SLC17A1: variants seen among roughly 807,000 people sequenced by gnomAD.
SLC17A1 encodes the protein sodium-dependent phosphate transport protein 1.
SLC17A1 carries 51 observed loss-of-function variants against 53.5 expected under a neutral mutation model. That is an observed-to-expected ratio of 0.95 (90% CI 0.76 to 1.20). The LOEUF is 1.20. Ranked by LOEUF, SLC17A1 falls within the 50% of genes most tolerant of loss-of-function variation. The probability of loss-of-function intolerance (pLI) is 0.00; values close to 1 mark genes in which losing one functional copy is unlikely to be tolerated. For synonymous variants in SLC17A1, 179 were observed against 198.8 expected, an observed-to-expected ratio of 0.90 and a Z score of 0.84; for missense variants, 538 against 568.2, an observed-to-expected ratio of 0.95 and a Z score of 0.54.
chr6:25,726,190 T>C, the SLC17A1 span: 4 of 1,599,100 alleles, frequency 2.5e-6, no homozygotes, highest in Non-Finnish European at 3.4e-6. Flanking sequence ...CAGCACTGCC[T>C]GAATGTTAGG....
the SLC17A1 span, among the ~76,000 whole-genome samples, chr6:25,758,360 G>A: frequency 5.3e-4 from 80 of 152,262 alleles, no homozygotes; most frequent in African/African-American, 1.9e-3. Context: ...GCCTACCTGT[G>A]TCCCTGAAAT....
chr6:25,825,094 C>G (rs1198052875), intron 3 of SLC17A1, among the ~76,000 whole-genome samples: 2 of 151,936 alleles, frequency 1.3e-5, no homozygotes, highest in African/African-American at 2.4e-5. Flanking sequence ...TTACTTCTAA[C>G]TTATCTGAGT....
At chr6:25,807,047 GT>G (rs1763980814) in intron 10 of SLC17A1, among the ~76,000 whole-genome samples, 1 of 152,102 alleles carries the variant, frequency 6.6e-6, no homozygotes. Flanking sequence ...TGTGGATGTG[GT>G]AAAAAGAGAT....
chr6:25,727,037 C>T, the SLC17A1 span: 482,950 of 1,613,868 alleles, frequency 0.3, 80,194 homozygotes, highest in East Asian at 0.71. Context: ...CTATTTACAT[C>T]TACAAAGTGC....
At chr6:25,726,157 T>C in the SLC17A1 span, 4 of 1,557,862 alleles carry the variant, frequency 2.6e-6, no homozygotes, top group Non-Finnish European at 3.5e-6. Context: ...TTTATGGTGG[T>C]GACTCTCAGT....
At chr6:25,772,240 G>T in the SLC17A1 span, among the ~76,000 whole-genome samples, 2 of 152,130 alleles carry the variant, frequency 1.3e-5, no homozygotes, top group Non-Finnish European at 2.9e-5. Flanking sequence ...ACAGTAAGGA[G>T]CATATACGCA....
chr6:25,725,702 A>ACAACC, the SLC17A1 span, among the ~76,000 whole-genome samples: 2 of 152,134 alleles, frequency 1.3e-5, no homozygotes, highest in Non-Finnish European at 2.9e-5. Context: ...GGACTCATGA[A>ACAACC]CAACCCTCCC....
At chr6:25,738,571 A>T in the SLC17A1 span, among the ~76,000 whole-genome samples, 6 of 152,162 alleles carry the variant, frequency 3.9e-5, no homozygotes, top group African/African-American at 1.4e-4. Context: ...TTGTTCTGTG[A>T]AAGTCTCCGT....
the SLC17A1 span, chr6:25,768,319 C>G: frequency 9.3e-6 from 9 of 964,784 alleles, no homozygotes; most frequent in Non-Finnish European, 9.9e-6. Flanking sequence ...TACATTACCT[C>G]TGGGATTTCT....
chr6:25,788,293 G>C (rs1286152144), intron 12 of SLC17A1, among the ~76,000 whole-genome samples: 4 of 152,060 alleles, frequency 2.6e-5, no homozygotes, highest in Non-Finnish European at 5.9e-5. Flanking sequence ...AGCAAATAAA[G>C]ACAATTACAA....
chr6:25,798,424 A>T (rs537206013), intron 12 of SLC17A1, among the ~76,000 whole-genome samples: 51 of 152,320 alleles, frequency 3.3e-4, no homozygotes, highest in Middle Eastern at 3.4e-3. Context: ...TAATGTCTTG[A>T]TATTATAGCA....
the SLC17A1 span, chr6:25,769,294 T>G: frequency 1.2e-5 from 13 of 1,076,922 alleles, no homozygotes; most frequent in Non-Finnish European, 1.7e-5. Flanking sequence ...TTACTGAACA[T>G]GTACTATGTG....
chr6:25,755,819 C>T, the SLC17A1 span, among the ~76,000 whole-genome samples: 2 of 152,182 alleles, frequency 1.3e-5, no homozygotes, highest in African/African-American at 4.8e-5. Flanking sequence ...TCCTCTGGAA[C>T]CTGTTGCCCT....
the SLC17A1 span, chr6:25,776,512 A>G: frequency 6.7e-7 from 1 of 1,489,218 alleles, no homozygotes; most frequent in Non-Finnish European, 9.0e-7. Context: ...AAAGCCACAA[A>G]TGTGGACAGT....
chr6:25,789,697 T>C (rs1235550054), intron 12 of SLC17A1, among the ~76,000 whole-genome samples: 1 of 151,660 alleles, frequency 6.6e-6, no homozygotes, highest in Admixed American at 6.5e-5. Flanking sequence ...TTCTACAAAA[T>C]AACTAGCCTG....
At chr6:25,739,177 G>A in the SLC17A1 span, among the ~76,000 whole-genome samples, 1 of 152,118 alleles carries the variant, frequency 6.6e-6, no homozygotes, top group African/African-American at 2.4e-5. Context: ...CTAAGATCCG[G>A]GTGCTGGCAG....
chr6:25,728,342 G>A, the SLC17A1 span, among the ~76,000 whole-genome samples: 1 of 152,002 alleles, frequency 6.6e-6, no homozygotes, highest in African/African-American at 2.4e-5. Flanking sequence ...ACTGGTTGTT[G>A]GACTCCATCT....
At chr6:25,755,048 TACAC>T in the SLC17A1 span, among the ~76,000 whole-genome samples, 43,585 of 144,892 alleles carry the variant, frequency 0.3, 6,794 homozygotes, top group Middle Eastern at 0.39. Context: ...CACACACACA[TACAC>T]ACACACACAC....
the SLC17A1 span, chr6:25,726,782 T>C: frequency 7.7e-5 from 98 of 1,266,818 alleles, no homozygotes; most frequent in South Asian, 1.3e-3. Flanking sequence ...GTTCTGTTTG[T>C]TTACTTGGCG....
Sources: gnomAD v4.1 joint callset for allele counts (sites outside exome capture counted in the v4.1 genomes callset) on GRCh38, gnomAD v4.1.1 for gene constraint, MANE v1.5 for transcripts, NCBI Gene and HGNC (gene_info 2026-07-23, HGNC 2026-07-21) for gene names.